The following FGFR1 variants were observed in gnomAD, a reference collection of about 807,000 sequenced individuals.
FGFR1 encodes the protein FGFR1/PLAG1 fusion.
In FGFR1, 18 loss-of-function variants were observed where a neutral mutation model predicts 93.7. The observed-to-expected ratio is 0.19, with a 90% CI of 0.13 to 0.28. The LOEUF (loss-of-function observed/expected upper bound fraction) is 0.28. Among genes scored for constraint, FGFR1 ranks in the 10% least tolerant of loss-of-function variants. The probability of loss-of-function intolerance (pLI) is 1.00; values close to 1 mark genes in which losing one functional copy is unlikely to be tolerated. For synonymous variants in FGFR1, 448 were observed against 429.3 expected (o/e 1.04, Z -0.54); for missense variants, 731 against 1,080.4 (o/e 0.68, Z 4.53).
At chr8:38,449,197 G>A (rs1459636375) in intron 2 of FGFR1, among the ~76,000 whole-genome samples, 1 of 152,096 alleles carries the variant, frequency 6.6e-6, no homozygotes, top group Non-Finnish European at 1.5e-5. Context: ...TGGCCCTTAA[G>A]TTAAGCTTTA....
chr8:38,446,095 TC>T (rs1829165349), intron 2 of FGFR1, among the ~76,000 whole-genome samples: 1 of 152,004 alleles, frequency 6.6e-6, no homozygotes, highest in Admixed American at 6.6e-5. Context: ...AGGAGAGCAT[TC>T]CAGGAAAAGG....
intron 2 of FGFR1, among the ~76,000 whole-genome samples, chr8:38,434,013 A>G (rs999455263): frequency 6.6e-6 from 1 of 152,204 alleles, no homozygotes; most frequent in Admixed American, 6.5e-5. Flanking sequence ...ATGGAATCAT[A>G]CAATATGTGA....
chr8:38,415,845 C>G (rs1816347306), intron 13 of FGFR1, 25 bp downstream of exon 13: 3 of 1,611,482 alleles, frequency 1.9e-6, no homozygotes, highest in Middle Eastern at 2.0e-4. Context: ...CTGGCATTAC[C>G]CAGGGGAGCC....
chr8:38,448,968 G>T (rs986927140), intron 2 of FGFR1, among the ~76,000 whole-genome samples: 3 of 152,188 alleles, frequency 2.0e-5, no homozygotes, highest in African/African-American at 7.2e-5. Context: ...AGGGCATGGT[G>T]GCTCATGCCT....
rs1586824380 is a variant in FGFR1 at position 38,466,504 on chromosome 8, T to C, written c.-89+1477A>G. The C allele has an allele frequency of 1.3e-5, 3 of 231,084 alleles. No homozygotes were observed. The East Asian group carries it at 1.8e-4, about 14-fold the overall frequency. The allele number at this position is 231,084 out of a possible 1,614,324, so 14.3% of individuals were successfully genotyped here. A position where few individuals can be genotyped will look rare whatever the true frequency, so the allele number is the denominator to read the frequency against. On this transcript the variant is annotated intron_variant, in intron 1 of 17. Transcript: ENST00000447712. The stretch of plus-strand genomic sequence containing the variant: ...CCCATCTCCCAAGATGCCTCTTTAC[T>C]GCGCAATCCAGAAAGCACCCGGACC...
intron 2 of FGFR1, among the ~76,000 whole-genome samples, chr8:38,455,770 T>G (rs987420649): frequency 2.0e-5 from 3 of 152,168 alleles, no homozygotes; most frequent in Non-Finnish European, 2.9e-5. Flanking sequence ...TTTTTCCCCT[T>G]CTGAACTCAA....
intron 1 of FGFR1, chr8:38,465,428 G>A (rs557826717): frequency 3.4e-5 from 8 of 232,226 alleles, no homozygotes; most frequent in African/African-American, 1.8e-4. Context: ...ATGACTAAGA[G>A]TAAATGCAAC....
rs375810270 is a variant in FGFR1, at chr8:38,446,716, A to G, written c.91+10640T>C. On this transcript the variant is annotated intron_variant, in intron 2 of 17. Transcript: ENST00000447712. ...GAGCCACTGCGCCTGGCCCTTCTTCATTATTTATAAAAAACACTAGTAGCC... is the reference window on the plus strand; with the variant it reads ...GAGCCACTGCGCCTGGCCCTTCTTCGTTATTTATAAAAAACACTAGTAGCC... Among the ~76,000 whole-genome samples, 56 of 152,236 alleles carry G rather than the reference A, an allele frequency of 3.7e-4. 1 individual carries two copies. The highest frequency in any genetic ancestry group is 3.1e-3 in the Admixed American group (47 of 15,286).
chr8:38,454,058 T>C (rs191073956), intron 2 of FGFR1, among the ~76,000 whole-genome samples: 195 of 152,266 alleles, frequency 1.3e-3, no homozygotes, highest in Middle Eastern at 3.4e-3. Context: ...ATGTCAGTCT[T>C]CCTGGGTACA....
rs765285994 is a variant in FGFR1 at position 38,413,907 on chromosome 8, G to GA, written c.2292+10_2292+11insT. The GA allele has an allele frequency of 6.2e-7, 1 of 1,613,694 alleles. No individual in the cohort carries two copies. Among genetic ancestry groups the GA allele is most frequent in the Non-Finnish European group, 8.5e-7 (1 of 1,179,790 alleles). On this transcript the variant is annotated intron_variant, in intron 17 of 17. Transcript: ENST00000447712. This position sits in a 1 kb window ranked among gnomAD's most constrained non-coding sequence, Gnocchi z 4.2. ...CGGCCTGAGCTCTGGCTCTGGCACG[G>GA]GCAGCCTTACCTGGTTGGAGGTCAA...
At position 38,417,415 on chromosome 8, in the gene FGFR1, C is replaced by T. The variant is rs199499923; in HGVS notation, c.1554G>A (p.Ser518=). The T allele has an allele frequency of 1.7e-5, 28 of 1,613,182 alleles. No homozygotes were observed. Among genetic ancestry groups the T allele is most frequent in the Admixed American group, 1.0e-4 (6 of 59,996 alleles). The change falls in exon 12 of 18, where the codon TCG becomes TCA. Residue 518 remains serine (S), a splice_region_variant and synonymous_variant. Coordinates refer to ENST00000447712, the MANE Select transcript of FGFR1 (RefSeq NM_023110.3). ...VTKVAVKMLK[S]DATEKDLSDL... ...CTGACAAGTCTTTCTCTGTTGCGTC[C>T]GCTTTAAAGAACACGTTGAGACTCA...
chr8:38,466,683 T>A (rs1364047376), intron 1 of FGFR1: 1 of 222,722 alleles, frequency 4.5e-6, no homozygotes, highest in East Asian at 6.4e-5. Flanking sequence ...CTGAAGAATC[T>A]GAGTTTTAAT....
chr8:38,434,530 C>G (rs1824533007), intron 2 of FGFR1: 2 of 329,706 alleles, frequency 6.1e-6, no homozygotes, highest in Non-Finnish European at 1.2e-5. Context: ...TCTGAACCTT[C>G]ACCACAAGGA....
chr8:38,421,677 C>CA (rs1563473613), intron 8 of FGFR1, 120 bp downstream of exon 8: 1 of 1,044,092 alleles, frequency 9.6e-7, no homozygotes, highest in Admixed American at 1.8e-5. Flanking sequence ...TGGCACCAGG[C>CA]AGGCAGGAGC....
chr8:38,421,459 AG>A (rs1411901223), intron 8 of FGFR1, among the ~76,000 whole-genome samples: 7 of 152,162 alleles, frequency 4.6e-5, no homozygotes, highest in Non-Finnish European at 7.4e-5. Context: ...TACCCAGCGG[AG>A]GGGGGAGGCT....
intron 2 of FGFR1, among the ~76,000 whole-genome samples, chr8:38,438,261 G>T (rs959467263): frequency 6.6e-6 from 1 of 152,176 alleles, no homozygotes; most frequent in African/African-American, 2.4e-5. Flanking sequence ...TTATCTTCGG[G>T]CCCAGTGCAG....
In FGFR1 at chr8:38,428,441, GGAA is replaced by G. The variant is rs768778460; in HGVS notation, c.359-9_359-7del. The G allele has an allele frequency of 4.2e-5, 68 of 1,608,152 alleles. No individual in the cohort carries two copies. Among genetic ancestry groups the G allele is most frequent in the Non-Finnish European group, 5.4e-5 (63 of 1,177,302 alleles). ...CTCCGAGGAGGGGAGAGCATCTATG[GGAA>G]GAAGAAGGGGCACTGAGGTTCCTCC... is the stretch of plus-strand genomic sequence containing the variant. On this transcript the variant is annotated splice_region_variant and splice_polypyrimidine_tract_variant and intron_variant, in intron 3 of 17. Transcript: ENST00000447712.
chr8:38,434,329 C>CTTTTT, intron 2 of FGFR1: 1 of 113,204 alleles, frequency 8.8e-6, no homozygotes, highest in Non-Finnish European at 2.1e-5. Flanking sequence ...ATTGCTGCTG[C>CTTTTT]TTTTTTTTTT....
Position 38,424,381 on chromosome 8 carries a change from G to GT in FGFR1, c.936+127dup, listed in dbSNP as rs779380839. On this transcript the variant is annotated intron_variant, in intron 7 of 17. Transcript: ENST00000447712. The surrounding 1 kb of genome is among the most constrained non-coding windows in gnomAD (Gnocchi z 4.3). ...GGCTAGATCCCTACTGAGATGGAGT[G>GT]TGTGTGCCTGAAGCGTGAGGAATGA... is the stretch of plus-strand genomic sequence containing the variant. The GT allele has an allele frequency of 6.3e-6, 6 of 950,894 alleles. No individual in the cohort carries two copies. The highest frequency in any genetic ancestry group is 1.0e-5 in the Non-Finnish European group (6 of 591,380). 58.9% of individuals were successfully genotyped at this position (950,894 alleles called of 1,614,324 possible).
Sources: allele counts gnomAD v4.1 joint callset (sites outside exome capture counted in the v4.1 genomes callset), GRCh38; gene constraint gnomAD v4.1.1; non-coding constraint Gnocchi (gnomAD v3.1); transcripts MANE v1.5; gene names NCBI Gene and HGNC (gene_info 2026-07-23, HGNC 2026-07-21).